The following UBAC2 variants were observed in gnomAD, a reference collection of about 807,000 sequenced individuals.
UBAC2 encodes UBA domain containing 2.
In UBAC2, 26 loss-of-function variants were observed where a neutral mutation model predicts 44.0. That is an observed-to-expected ratio of 0.59 (90% CI 0.43 to 0.82). UBAC2 has a LOEUF of 0.82. UBAC2 is among the 40% of genes least tolerant of loss of function. The pLI, the probability that UBAC2 is intolerant of heterozygous loss-of-function variation, is 0.00. For missense variants in UBAC2, 329 were observed against 419.4 expected, an observed-to-expected ratio of 0.78 and a Z score of 1.88; for synonymous variants, 155 against 154.3, an observed-to-expected ratio of 1.00 and a Z score of -0.04.
In UBAC2 at chr13:99,295,796, G is replaced by A; in HGVS notation, c.390-18301G>A. 6.2e-7 allele frequency: 1 copy of A among 1,612,834 alleles called. No homozygotes were observed. Among genetic ancestry groups the A allele is most frequent in the Non-Finnish European group, 8.5e-7 (1 of 1,179,026 alleles). On this transcript the variant is annotated intron_variant, in intron 4 of 8. Transcript: ENST00000403766. The surrounding 1 kb of genome is among the most constrained non-coding windows in gnomAD (Gnocchi z 4.1). ...CAGGCAGGTCATAAAGTTCACACCT[G>A]CATATGTGTTGATGTAAAACACTAG...
At chr13:99,291,126 A>G (rs1292151661) in intron 4 of UBAC2, among the ~76,000 whole-genome samples, 1 of 152,154 alleles carries the variant, frequency 6.6e-6, no homozygotes, top group Non-Finnish European at 1.5e-5. Flanking sequence ...CCTTGTTGCT[A>G]TAGTTTCCTC....
intron 2 of UBAC2, among the ~76,000 whole-genome samples, chr13:99,242,887 A>T (rs2043335095): frequency 6.7e-6 from 1 of 150,134 alleles, no homozygotes; most frequent in Admixed American, 6.6e-5. Flanking sequence ...GGCGGGGCAG[A>T]GGTGCTCCCC....
intron 4 of UBAC2, among the ~76,000 whole-genome samples, chr13:99,275,552 C>T (rs1184866297): frequency 6.6e-6 from 1 of 151,842 alleles, no homozygotes; most frequent in Admixed American, 6.6e-5. Flanking sequence ...TTTGAATATT[C>T]ATTTTTCCTG....
At chr13:99,279,692 G>C (rs921631995) in intron 4 of UBAC2, among the ~76,000 whole-genome samples, 4 of 152,194 alleles carry the variant, frequency 2.6e-5, no homozygotes, top group Admixed American at 2.6e-4. Context: ...CAGTTCTGGA[G>C]GCTGAGAAGT....
intron 1 of UBAC2, among the ~76,000 whole-genome samples, chr13:99,202,145 A>G (rs1394404576): frequency 1.3e-5 from 2 of 151,676 alleles, no homozygotes; most frequent in African/African-American, 4.8e-5. Flanking sequence ...CTCGTCTTAT[A>G]GTCTGACAGT....
chr13:99,242,821 C>T (rs1370420584), intron 2 of UBAC2, among the ~76,000 whole-genome samples: 3 of 148,002 alleles, frequency 2.0e-5, no homozygotes, highest in African/African-American at 5.0e-5. Context: ...GGAGGGGCTC[C>T]TCACTTCTCA....
At chr13:99,357,126 A>G (rs894011265) in intron 7 of UBAC2, among the ~76,000 whole-genome samples, 1 of 152,144 alleles carries the variant, frequency 6.6e-6, no homozygotes, top group Non-Finnish European at 1.5e-5. Flanking sequence ...TGTCTTTTCT[A>G]TGTTTAGATA....
intron 4 of UBAC2, among the ~76,000 whole-genome samples, chr13:99,250,796 G>T (rs1341491143): frequency 6.6e-6 from 1 of 151,982 alleles, no homozygotes; most frequent in Non-Finnish European, 1.5e-5. Context: ...ACCCAGGCTG[G>T]AGTGAAGTGG....
intron 2 of UBAC2, among the ~76,000 whole-genome samples, chr13:99,241,405 A>C (rs1320239083): frequency 1.3e-5 from 2 of 152,248 alleles, no homozygotes; most frequent in African/African-American, 4.8e-5. Flanking sequence ...ATACCATAGA[A>C]TATTATTCAA....
chr13:99,224,250 C>T (rs1395584320), intron 1 of UBAC2, among the ~76,000 whole-genome samples: 3 of 152,040 alleles, frequency 2.0e-5, no homozygotes, highest in African/African-American at 7.3e-5. Flanking sequence ...ATCCCTGGGT[C>T]CCTCCCTTTT....
chr13:99,385,092 C>A lies in UBAC2; in HGVS notation c.928-136C>A, dbSNP rs147733305. ...TGGTATAACTTTTAAGTATCAGATT[C>A]CATATTGAAATGAAAATTGGTTTTT... On this transcript the variant is annotated intron_variant, in intron 8 of 8. Transcript: ENST00000403766. 5.0e-3 allele frequency: 3,186 copies of A among 643,070 alleles called. 11 individuals are homozygous for A. Among genetic ancestry groups the A allele is most frequent in the Admixed American group, 8.1e-3 (308 of 38,054 alleles). 39.8% of individuals were successfully genotyped at this position (643,070 alleles called of 1,614,324 possible).
At chr13:99,322,783 GA>G (rs2044585968) in intron 6 of UBAC2, among the ~76,000 whole-genome samples, 1 of 152,174 alleles carries the variant, frequency 6.6e-6, no homozygotes, top group African/African-American at 2.4e-5. Flanking sequence ...ACTTCAAGAA[GA>G]AACACTTTAC....
At chr13:99,331,104 T>C (rs2044710477) in intron 6 of UBAC2, among the ~76,000 whole-genome samples, 1 of 152,224 alleles carries the variant, frequency 6.6e-6, no homozygotes, top group Non-Finnish European at 1.5e-5. Flanking sequence ...TGAGATCACG[T>C]ATCTCTTATC....
intron 1 of UBAC2, among the ~76,000 whole-genome samples, chr13:99,216,229 G>A (rs1424343977): frequency 2.0e-5 from 3 of 151,930 alleles, no homozygotes; most frequent in Non-Finnish European, 4.4e-5. Flanking sequence ...AGCCTCCGAA[G>A]TAGTAGCTAG....
At chr13:99,355,147 T>A (rs1032966194) in intron 7 of UBAC2, among the ~76,000 whole-genome samples, 1 of 150,896 alleles carries the variant, frequency 6.6e-6, no homozygotes, top group Non-Finnish European at 1.5e-5. Context: ...GTTTCACCTC[T>A]GTTTCTGTCA....
At chr13:99,309,070 G>A (rs530435233) in intron 4 of UBAC2, among the ~76,000 whole-genome samples, 2 of 151,926 alleles carry the variant, frequency 1.3e-5, no homozygotes, top group African/African-American at 4.8e-5. Flanking sequence ...GAAGGACTCA[G>A]CTAGTTCAAG....
At chr13:99,260,071 C>A (rs1299164523) in intron 4 of UBAC2, among the ~76,000 whole-genome samples, 2 of 152,236 alleles carry the variant, frequency 1.3e-5, no homozygotes, top group African/African-American at 4.8e-5. Flanking sequence ...GTTCCACCCA[C>A]TGTGGCATTC....
At chr13:99,359,140 A>T (rs966853154) in intron 7 of UBAC2, among the ~76,000 whole-genome samples, 5 of 152,204 alleles carry the variant, frequency 3.3e-5, no homozygotes, top group Admixed American at 2.0e-4. Context: ...AGAAAGCGGG[A>T]TGCCACAAAG....
intron 1 of UBAC2, among the ~76,000 whole-genome samples, chr13:99,237,232 A>G (rs1186127311): frequency 1.3e-5 from 2 of 149,596 alleles, no homozygotes; most frequent in East Asian, 4.0e-4. Context: ...AAAATGGATG[A>G]TAGATAAAGA....
Sources: gnomAD v4.1 joint callset for allele counts (sites outside exome capture counted in the v4.1 genomes callset) on GRCh38, gnomAD v4.1.1 for gene constraint, Gnocchi (gnomAD v3.1) non-coding constraint, MANE v1.5 for transcripts, NCBI Gene and HGNC (gene_info 2026-07-23, HGNC 2026-07-21) for gene names.